The following KIAA0825 variants were observed in gnomAD, a reference collection of about 807,000 sequenced individuals.
The protein encoded by KIAA0825 is KIAA0825.
KIAA0825 carries 119 observed loss-of-function variants against 147.6 expected under a neutral mutation model. The ratio of observed to expected loss-of-function variants is 0.81; its 90% CI spans 0.69 to 0.94. KIAA0825 has a LOEUF of 0.94. Ranked by LOEUF, KIAA0825 falls within the 40% of genes least tolerant of loss-of-function variation. The pLI is 0.00. For missense variants in KIAA0825, 1,381 were observed against 1,472.7 expected, an observed-to-expected ratio of 0.94 and a Z score of 1.02; for synonymous variants, 470 against 518.1, an observed-to-expected ratio of 0.91 and a Z score of 1.26.
Position 94,206,658 on chromosome 5 carries a change from C to T in KIAA0825, c.3711-52534G>A, listed in dbSNP as rs553696553. On this transcript the variant is annotated intron_variant, in intron 20 of 20. Coordinates refer to ENST00000682413, the MANE Select transcript of KIAA0825 (RefSeq NM_001145678.3). ...AATATTATGAGGTCAATGTTGAGAA[C>T]CTTTAATCTAATGCCCACATATTTC... Among the ~76,000 whole-genome samples, 5 of 152,272 alleles carry T rather than the reference C, an allele frequency of 3.3e-5. No individual in the cohort carries two copies. The South Asian group carries it at 1.0e-3, about 32-fold the overall frequency.
intron 13 of KIAA0825, among the ~76,000 whole-genome samples, chr5:94,443,151 T>C (rs956452451): frequency 6.6e-6 from 1 of 152,064 alleles, no homozygotes; most frequent in Non-Finnish European, 1.5e-5. Flanking sequence ...AAATGTACAG[T>C]AGAATGACTC....
intron 20 of KIAA0825, among the ~76,000 whole-genome samples, chr5:94,360,906 G>A (rs1744973043): frequency 6.6e-6 from 1 of 152,070 alleles, no homozygotes; most frequent in East Asian, 1.9e-4. Flanking sequence ...TCTTTCCTAT[G>A]CAAGATCCAA....
chr5:94,161,074 A>AACTT (rs1405749886), intron 20 of KIAA0825, among the ~76,000 whole-genome samples: 1 of 152,208 alleles, frequency 6.6e-6, no homozygotes, highest in Non-Finnish European at 1.5e-5. Flanking sequence ...GTTAAGAGAC[A>AACTT]ACTTACTCTG....
chr5:94,382,335 C>T (rs1441308597), intron 20 of KIAA0825, among the ~76,000 whole-genome samples: 1 of 152,084 alleles, frequency 6.6e-6, no homozygotes, highest in Non-Finnish European at 1.5e-5. Flanking sequence ...TTAAAAAAAT[C>T]GGCATTTTCA....
chr5:94,363,526 A>C (rs1745363957), intron 20 of KIAA0825, among the ~76,000 whole-genome samples: 1 of 152,140 alleles, frequency 6.6e-6, no homozygotes, highest in South Asian at 2.1e-4. Flanking sequence ...CTTTTACTTT[A>C]TACAACATCC....
chr5:94,396,365 G>C lies in KIAA0825; in HGVS notation c.3032C>G (p.Ala1011Gly). 2 of 1,550,926 alleles carry C rather than the reference G, an allele frequency of 1.3e-6. No homozygotes were observed. The highest frequency in any genetic ancestry group is 1.7e-6 in the Non-Finnish European group (2 of 1,146,760). ...MSKKFVELKKAGLLVWNLIVI... is the reference protein window; with the variant it reads ...MSKKFVELKKGGLLVWNLIVI... ...AATCAAGTTCCAGACAAGCAGGCCAGCTTTCTTCAATTCAACAAATTTTTT... is the reference window on the plus strand; with the variant it reads ...AATCAAGTTCCAGACAAGCAGGCCACCTTTCTTCAATTCAACAAATTTTTT... Residue 1011 changes from alanine to glycine, a missense_variant, in exon 17 of 21, where the codon GCT becomes GGT. Coordinates refer to ENST00000682413, the MANE Select transcript of KIAA0825 (RefSeq NM_001145678.3).
In KIAA0825 at chr5:94,167,075, T is replaced by C. The variant is rs1455340525; in HGVS notation, c.3711-12951A>G. ...TTTTAGTAACTCCATTACACCCCCC[T>C]CCTCACCCCAAGAAAAACCATAGGA... On this transcript the variant is annotated intron_variant, in intron 20 of 20. Transcript: ENST00000682413. 3.3e-5 allele frequency among the ~76,000 whole-genome samples: 5 copies of C among 151,996 alleles called. 1 individual carries two copies. The highest frequency in any genetic ancestry group is 9.7e-5 in the African/African-American group (4 of 41,398).
rs56944090 is a variant in KIAA0825 at position 94,376,738 on chromosome 5, T to C, written c.3710+7630A>G. ...AGTCACTGAGTCTGAGGTCTTTTGG[T>C]GGAGGAAGGAAGAAAACAATTTTCT... is the stretch of plus-strand genomic sequence containing the variant. On this transcript the variant is annotated intron_variant, in intron 20 of 20. Coordinates refer to ENST00000682413, the MANE Select transcript of KIAA0825 (RefSeq NM_001145678.3). Among the ~76,000 whole-genome samples, 1,076 of 152,204 alleles carry C rather than the reference T, an allele frequency of 7.1e-3. 13 individuals carry two copies. The highest frequency in any genetic ancestry group is 0.025 in the African/African-American group (1,025 of 41,528).
At chr5:94,346,646 AC>A (rs1386128000) in intron 20 of KIAA0825, among the ~76,000 whole-genome samples, 5 of 152,192 alleles carry the variant, frequency 3.3e-5, no homozygotes, top group Non-Finnish European at 7.3e-5. Context: ...ACAGGGGTAG[AC>A]GAAGCAGCAG....
intron 20 of KIAA0825, among the ~76,000 whole-genome samples, chr5:94,165,031 G>A (rs1373483662): frequency 6.6e-6 from 1 of 152,088 alleles, no homozygotes; most frequent in Non-Finnish European, 1.5e-5. Flanking sequence ...AAGTTAAAAA[G>A]CTTCTGGACA....
chr5:94,512,804 G>A (rs1219178577), intron 5 of KIAA0825, among the ~76,000 whole-genome samples: 2 of 152,114 alleles, frequency 1.3e-5, no homozygotes, highest in African/African-American at 4.8e-5. Flanking sequence ...GCTGAGACAG[G>A]AGAATCGCTT....
intron 20 of KIAA0825, among the ~76,000 whole-genome samples, chr5:94,304,446 A>G (rs1778597498): frequency 6.6e-6 from 1 of 152,034 alleles, no homozygotes; most frequent in Non-Finnish European, 1.5e-5. Flanking sequence ...GAGAAGAGGT[A>G]ACACTGGAAG....
At chr5:94,410,148 C>T (rs1422477637) in intron 15 of KIAA0825, among the ~76,000 whole-genome samples, 3 of 149,108 alleles carry the variant, frequency 2.0e-5, no homozygotes, top group Admixed American at 2.0e-4. Context: ...GTTAAGGATA[C>T]CTGTAATAAA....
intron 5 of KIAA0825, among the ~76,000 whole-genome samples, chr5:94,504,659 T>C (rs1765498189): frequency 6.6e-6 from 1 of 152,100 alleles, no homozygotes; most frequent in African/African-American, 2.4e-5. Flanking sequence ...AAATCTTTAT[T>C]AACACAGGCT....
chr5:94,219,094 G>A (rs1226721153), intron 20 of KIAA0825, among the ~76,000 whole-genome samples: 3 of 152,092 alleles, frequency 2.0e-5, no homozygotes, highest in Non-Finnish European at 4.4e-5. Flanking sequence ...TGGGGGCGGG[G>A]AGAAGAGACA....
chr5:94,311,474 G>T (rs193195112), intron 20 of KIAA0825, among the ~76,000 whole-genome samples: 1 of 151,390 alleles, frequency 6.6e-6, no homozygotes, highest in African/African-American at 2.4e-5. Context: ...ATACTGCCAC[G>T]CAAATAGCAA....
At chr5:94,430,121 G>C (rs1755470232) in intron 14 of KIAA0825, among the ~76,000 whole-genome samples, 1 of 152,158 alleles carries the variant, frequency 6.6e-6, no homozygotes, top group Non-Finnish European at 1.5e-5. Context: ...TGAAAGCCTG[G>C]AGATCTGCCT....
chr5:94,472,324 G>C (rs1239624766), intron 8 of KIAA0825, among the ~76,000 whole-genome samples: 2 of 152,130 alleles, frequency 1.3e-5, no homozygotes, highest in African/African-American at 4.8e-5. Flanking sequence ...CAGAAGGGAG[G>C]TGTGATGAAT....
intron 19 of KIAA0825, among the ~76,000 whole-genome samples, chr5:94,384,962 T>G (rs1748944162): frequency 1.3e-5 from 2 of 152,164 alleles, no homozygotes; most frequent in Non-Finnish European, 2.9e-5. Flanking sequence ...AAGGGAAGAT[T>G]ATGAGGATCT....
Sources: allele counts gnomAD v4.1 joint callset (sites outside exome capture counted in the v4.1 genomes callset), GRCh38; gene constraint gnomAD v4.1.1; transcripts MANE v1.5; gene names NCBI Gene and HGNC (gene_info 2026-07-23, HGNC 2026-07-21).